The following CNOT6L variants were observed in gnomAD, a reference collection of about 807,000 sequenced individuals.
CNOT6L encodes the protein CCR4-NOT transcription complex subunit 6-like.
CNOT6L carries 7 observed loss-of-function variants against 64.0 expected under a neutral mutation model. The ratio of observed to expected loss-of-function variants is 0.11; its 90% confidence interval spans 0.06 to 0.21. CNOT6L has a LOEUF of 0.21. CNOT6L is among the 10% of genes least tolerant of loss of function. The probability of loss-of-function intolerance (pLI) is 1.00; values close to 1 mark genes in which losing one functional copy is unlikely to be tolerated. For synonymous variants in CNOT6L, 193 were observed against 243.4 expected (o/e 0.79, Z 1.93); for missense variants, 245 against 669.0 (o/e 0.37, Z 6.99).
At chr4:77,820,099 G>C (rs1734114121), upstream of CNOT6L, among the ~76,000 whole-genome samples, 1 of 152,172 alleles carries the variant, frequency 6.6e-6, no homozygotes, top group South Asian at 2.1e-4. Flanking sequence ...CTGGGGCCGA[G>C]GTTGAACAGA....
At chr4:77,801,190 A>C (rs757269306) in intron 1 of CNOT6L, among the ~76,000 whole-genome samples, 1 of 152,212 alleles carries the variant, frequency 6.6e-6, no homozygotes, top group Non-Finnish European at 1.5e-5. Context: ...CCAGCCACTG[A>C]AAAGTAGACA....
rs1720933839 is a variant in CNOT6L at position 77,718,094 on chromosome 4, T to C, written c.*2337A>G. 6.6e-6 allele frequency: 1 copy of C among 152,568 alleles called. No homozygotes were observed. Among genetic ancestry groups the C allele is most frequent in the Non-Finnish European group, 1.5e-5 (1 of 68,018 alleles). 9.5% of individuals were successfully genotyped at this position (152,568 alleles called of 1,614,324 possible). ...ATTAAAAAAGTTTTTTATTAATAAA[T>C]GGGCTCCTCTGTGGTTCATATACAA... On this transcript the variant is annotated 3_prime_UTR_variant, in exon 12 of 12. Coordinates refer to ENST00000504123, the MANE Select transcript of CNOT6L (RefSeq NM_144571.3).
At chr4:77,793,999 A>G (rs1730484914) in intron 1 of CNOT6L, among the ~76,000 whole-genome samples, 1 of 151,646 alleles carries the variant, frequency 6.6e-6, no homozygotes, top group Non-Finnish European at 1.5e-5. Flanking sequence ...AAAAATACAA[A>G]AAATTAGCCG....
chr4:77,817,991 A>G (rs1560444841), intron 1 of CNOT6L, among the ~76,000 whole-genome samples: 1 of 152,246 alleles, frequency 6.6e-6, no homozygotes, highest in Non-Finnish European at 1.5e-5. Context: ...ACCTATTGGC[A>G]GCAGGTTTAT....
intron 2 of CNOT6L, 78 bp from the exon 3 acceptor site, chr4:77,774,794 G>A (rs1727976404): frequency 2.2e-6 from 2 of 889,000 alleles, no homozygotes; most frequent in Non-Finnish European, 1.6e-6. Context: ...CTGAAAAGTG[G>A]TAAGAGAGGC....
chr4:77,757,329 G>A (rs1725678382), intron 4 of CNOT6L, among the ~76,000 whole-genome samples: 1 of 152,106 alleles, frequency 6.6e-6, no homozygotes, highest in Non-Finnish European at 1.5e-5. Flanking sequence ...GAAAGAATGA[G>A]TGATATCTTA....
intron 1 of CNOT6L, among the ~76,000 whole-genome samples, chr4:77,812,548 AC>A (rs778274500): frequency 3.3e-5 from 5 of 151,522 alleles, no homozygotes; most frequent in Non-Finnish European, 5.9e-5. Flanking sequence ...TCATGCAAAA[AC>A]CCCCCAAATT....
chr4:77,813,273 C>T (rs1235367938), intron 1 of CNOT6L, among the ~76,000 whole-genome samples: 1 of 116,432 alleles, frequency 8.6e-6, no homozygotes, highest in African/African-American at 2.9e-5. Flanking sequence ...ATATCTGTGG[C>T]CTTAGATTAG....
intron 4 of CNOT6L, 38 bp from the exon 5 acceptor site, chr4:77,756,989 T>A (rs561850338): frequency 1.8e-6 from 2 of 1,098,852 alleles, no homozygotes; most frequent in Non-Finnish European, 2.7e-6. Context: ...TTAAAACTTA[T>A]AACTGCAAGG....
intron 1 of CNOT6L, among the ~76,000 whole-genome samples, chr4:77,811,832 A>G (rs931110786): frequency 2.0e-5 from 3 of 150,406 alleles, no homozygotes; most frequent in African/African-American, 7.3e-5. Flanking sequence ...CTTTCCGCAC[A>G]CTGCCTGCCT....
At chr4:77,760,648 T>C (rs1447343163) in intron 4 of CNOT6L, among the ~76,000 whole-genome samples, 1 of 151,490 alleles carries the variant, frequency 6.6e-6, no homozygotes, top group Non-Finnish European at 1.5e-5. Flanking sequence ...ACATTTCTCT[T>C]TGACCAGAAC....
intron 7 of CNOT6L, among the ~76,000 whole-genome samples, chr4:77,743,998 A>G (rs1450466889): frequency 1.3e-5 from 2 of 152,204 alleles, no homozygotes; most frequent in African/African-American, 2.4e-5. Context: ...AAAAAAATAT[A>G]TATGTATCAA....
At chr4:77,813,923 A>G (rs1172051948) in intron 1 of CNOT6L, among the ~76,000 whole-genome samples, 2 of 152,214 alleles carry the variant, frequency 1.3e-5, no homozygotes, top group Non-Finnish European at 2.9e-5. Context: ...TTCAAAACAT[A>G]CATACATAAG....
chr4:77,732,666 C>A (rs1722572980), intron 8 of CNOT6L, among the ~76,000 whole-genome samples: 1 of 152,042 alleles, frequency 6.6e-6, no homozygotes, highest in South Asian at 2.1e-4. Flanking sequence ...ACTATAGTTT[C>A]TACCCTCTAA....
chr4:77,795,314 C>T (rs1031114018), intron 1 of CNOT6L, among the ~76,000 whole-genome samples: 5 of 151,954 alleles, frequency 3.3e-5, no homozygotes, highest in African/African-American at 4.8e-5. Context: ...CCACTGCACC[C>T]GGCCAGTAAA....
At chr4:77,783,676 G>C (rs1184698179) in intron 1 of CNOT6L, among the ~76,000 whole-genome samples, 1 of 152,080 alleles carries the variant, frequency 6.6e-6, no homozygotes, top group Non-Finnish European at 1.5e-5. Flanking sequence ...TAATATTGGG[G>C]AATGGGACTG....
chr4:77,804,011 A>G (rs145762363), intron 1 of CNOT6L, among the ~76,000 whole-genome samples: 101 of 152,354 alleles, frequency 6.6e-4, no homozygotes, highest in African/African-American at 2.2e-3. Context: ...CGTATGACCC[A>G]GCAATTCCAC....
At chr4:77,745,520 T>C (rs1253994141) in intron 6 of CNOT6L, among the ~76,000 whole-genome samples, 1 of 152,318 alleles carries the variant, frequency 6.6e-6, no homozygotes, top group East Asian at 1.9e-4. Flanking sequence ...CCTGGGAATT[T>C]AGAAATGCAG....
At chr4:77,781,142 G>C (rs528898297) in intron 1 of CNOT6L, among the ~76,000 whole-genome samples, 1 of 152,160 alleles carries the variant, frequency 6.6e-6, no homozygotes, top group African/African-American at 2.4e-5. Flanking sequence ...AGAACACATG[G>C]ACACAGGGAG....
Sources: gnomAD v4.1 joint callset for allele counts (sites outside exome capture counted in the v4.1 genomes callset) on GRCh38, gnomAD v4.1.1 for gene constraint, MANE v1.5 for transcripts, NCBI Gene and HGNC (gene_info 2026-07-23, HGNC 2026-07-21) for gene names.